The following ERICH5 variants were observed in gnomAD, a reference collection of about 807,000 sequenced individuals.
ERICH5 encodes glutamate-rich protein 5.
Under a neutral mutation model 28.0 loss-of-function variants are expected in ERICH5, and 24 were observed. That is an observed-to-expected ratio of 0.86 (90% CI 0.62 to 1.21). The LOEUF (loss-of-function observed/expected upper bound fraction) is 1.21. ERICH5 is among the 50% of genes most tolerant of loss of function. ERICH5 has a pLI of 0.00. For synonymous variants in ERICH5, 163 were observed against 157.6 expected (o/e 1.03, Z -0.25); for missense variants, 421 against 441.2 (o/e 0.95, Z 0.41).
At chr8:98,092,026 T>TTCCTTCCTTC (rs1412455600) in intron 2 of ERICH5, among the ~76,000 whole-genome samples, 3 of 9,268 alleles carry the variant, frequency 3.2e-4, no homozygotes, top group Non-Finnish European at 5.4e-4. Flanking sequence ...TTCCTTCCTT[T>TTCCTTCCTTC]CGAGACAAGA....
chr8:98,078,573 C>T lies in ERICH5; in HGVS notation c.59-10503C>T, dbSNP rs544475416. 1.2e-4 allele frequency among the ~76,000 whole-genome samples: 18 copies of T among 152,286 alleles called. No homozygotes were observed. In the South Asian group the frequency reaches 3.7e-3, roughly 32 times the overall value. ...TAGGGTAATGAACTGAGTTGAAAAG[C>T]TTCCATCATAATGTGAATTTCAGGT... is the stretch of plus-strand genomic sequence containing the variant. On this transcript the variant is annotated intron_variant, in intron 1 of 2. Coordinates refer to ENST00000318528, the MANE Select transcript of ERICH5 (RefSeq NM_173549.3).
At chr8:98,075,286 G>A (rs994508976) in intron 1 of ERICH5, among the ~76,000 whole-genome samples, 4 of 152,126 alleles carry the variant, frequency 2.6e-5, no homozygotes, top group African/African-American at 9.7e-5. Context: ...GTTTAATTAT[G>A]TTCATGATTC....
rs1191865342 is a variant in ERICH5 at position 98,064,674 on chromosome 8, G to C, written c.5G>C (p.Gly2Ala). The part of the protein sequence containing the change: M[G>A]CSSSALNKAG... ...CAGGTGTCTGCGCTCCCCGCAATGG[G>C]CTGCTCCAGCAGCGCCCTCAACAAG... The change falls in exon 1 of 3, where the codon GGC becomes GCC. Residue 2 changes from glycine (G) to alanine (A), a missense_variant. Gly to Ala is a moderately conservative substitution (Grantham distance 60). Transcript: ENST00000318528. 1.3e-6 allele frequency: 2 copies of C among 1,535,020 alleles called. No individual in the cohort carries two copies. The highest frequency in any genetic ancestry group is 2.4e-5 in the South Asian group (2 of 83,410).
In ERICH5 at chr8:98,073,460, GTATATATATATATATATATATA is replaced by G. The variant is rs1321366335; in HGVS notation, c.58+8737_58+8758del. On this transcript the variant is annotated intron_variant, in intron 1 of 2. Transcript: ENST00000318528. ...TATATATATATATATATATATATATGTATATATATATATATATATATATATGTATATATATATATATATATAT... is the reference window on the plus strand; with the variant it reads ...TATATATATATATATATATATATATGTATGTATATATATATATATATATAT... Among the ~76,000 whole-genome samples, 15 of 14,370 alleles carry G rather than the reference GTATATATATATATATATATATA, an allele frequency of 1.0e-3. 3 individuals are homozygous for G. The highest frequency in any genetic ancestry group is 7.1e-3 in the African/African-American group (15 of 2,102). 9.4% of individuals were successfully genotyped at this position (14,370 alleles called of 152,430 possible). A position where few individuals can be genotyped will look rare whatever the true frequency, so the allele number is the denominator to read the frequency against.
chr8:98,089,183 A>G lies in ERICH5; in HGVS notation c.166A>G (p.Arg56Gly). 1 of 1,614,220 alleles carries G rather than the reference A, an allele frequency of 6.2e-7. No homozygotes were observed. ...ATCTACTGTTGATGGCAATGTACAA[A>G]GGGAAAGCCGTCCTCCCTTACAAAA... ...RESTVDGNVQ[R>G]ESRPPLQKLK... The change falls in exon 2 of 3, where the codon AGG becomes GGG. Residue 56 changes from arginine to glycine, a missense_variant. Arg to Gly is a moderately radical substitution (Grantham distance 125). Transcript: ENST00000318528.
intron 1 of ERICH5, among the ~76,000 whole-genome samples, chr8:98,069,693 T>C (rs894323477): frequency 1.3e-5 from 2 of 152,228 alleles, no homozygotes; most frequent in African/African-American, 2.4e-5. Flanking sequence ...TCATTTTGAA[T>C]GTGTGCAAGT....
intron 2 of ERICH5, 66 bp downstream of exon 2, chr8:98,090,095 G>A: frequency 1.7e-6 from 2 of 1,209,906 alleles, no homozygotes; most frequent in South Asian, 1.5e-5. Flanking sequence ...TCTGGGGAGT[G>A]GGATGGGGTG....
chr8:98,080,917 C>G (rs1815172282), intron 1 of ERICH5, among the ~76,000 whole-genome samples: 1 of 152,054 alleles, frequency 6.6e-6, no homozygotes, highest in African/African-American at 2.4e-5. Flanking sequence ...GTTGGCCAGG[C>G]TGGTCGAACT....
chr8:98,083,325 G>A (rs888815475), intron 1 of ERICH5, among the ~76,000 whole-genome samples: 2 of 152,136 alleles, frequency 1.3e-5, no homozygotes, highest in Admixed American at 6.6e-5. Flanking sequence ...CATCATTTGT[G>A]TGATATCTAA....
intron 2 of ERICH5, 66 bp from the exon 3 acceptor site, chr8:98,093,155 C>T (rs571966014): frequency 8.7e-7 from 1 of 1,144,568 alleles, no homozygotes; most frequent in East Asian, 2.4e-5. Context: ...TGGAGACAAA[C>T]TGTGGGATAA....
At chr8:98,064,784 C>A (rs1207493713) in intron 1 of ERICH5, 57 bp downstream of exon 1, 17 of 1,436,074 alleles carry the variant, frequency 1.2e-5, no homozygotes, top group Non-Finnish European at 1.5e-5. Context: ...TGGGCTAACT[C>A]CCCAGGAGGT....
intron 1 of ERICH5, among the ~76,000 whole-genome samples, chr8:98,083,509 G>T (rs1815217355): frequency 6.6e-6 from 1 of 151,910 alleles, no homozygotes; most frequent in African/African-American, 2.4e-5. Context: ...GGTTTTTCTT[G>T]AGTTCTGCTT....
chr8:98,073,482 A>G lies in ERICH5; in HGVS notation c.58+8755A>G, dbSNP rs1291285932. Among the ~76,000 whole-genome samples, 3 of 2,582 alleles carry G rather than the reference A, an allele frequency of 1.2e-3. 1 individual carries two copies. The highest frequency in any genetic ancestry group is 5.2e-3 in the African/African-American group (3 of 578). The allele number at this position is 2,582 out of a possible 152,430, so 1.7% of individuals were successfully genotyped here. Reference sequence around the variant, plus strand: ...TATGTATATATATATATATATATATATATGTATATATATATATATATATAT... The same window carrying G: ...TATGTATATATATATATATATATATGTATGTATATATATATATATATATAT... On this transcript the variant is annotated intron_variant, in intron 1 of 2. Coordinates refer to ENST00000318528, the MANE Select transcript of ERICH5 (RefSeq NM_173549.3).
At chr8:98,092,704 C>T (rs547140923) in intron 2 of ERICH5, among the ~76,000 whole-genome samples, 2 of 151,906 alleles carry the variant, frequency 1.3e-5, no homozygotes, top group East Asian at 1.9e-4. Flanking sequence ...TGCCAAGACT[C>T]GAGATGTTAA....
chr8:98,069,676 GC>G (rs1252379496), intron 1 of ERICH5, among the ~76,000 whole-genome samples: 7 of 152,106 alleles, frequency 4.6e-5, no homozygotes, highest in African/African-American at 1.7e-4. Flanking sequence ...ATTCCTTTGT[GC>G]CTACATCATT....
At chr8:98,085,366 T>G (rs1479079314) in intron 1 of ERICH5, among the ~76,000 whole-genome samples, 1 of 151,728 alleles carries the variant, frequency 6.6e-6, no homozygotes, top group Non-Finnish European at 1.5e-5. Flanking sequence ...GGTTTCACCG[T>G]GTTAGCCAGG....
chr8:98,086,843 C>T (rs934727207), intron 1 of ERICH5, among the ~76,000 whole-genome samples: 3 of 148,878 alleles, frequency 2.0e-5, no homozygotes, highest in Non-Finnish European at 3.0e-5. Flanking sequence ...CCCAGCTACT[C>T]GGGAGGCTGA....
intron 1 of ERICH5, among the ~76,000 whole-genome samples, chr8:98,069,493 GT>G (rs914286607): frequency 6.6e-6 from 1 of 151,052 alleles, no homozygotes; most frequent in African/African-American, 2.4e-5. Flanking sequence ...TCCTCACTTT[GT>G]TTTTTTCACC....
chr8:98,064,701 C>A lies in ERICH5; in HGVS notation c.32C>A (p.Ala11Asp). Reference protein sequence around the residue: MGCSSSALNKAGDSSRFPSVT... With the variant: MGCSSSALNKDGDSSRFPSVT... The stretch of plus-strand genomic sequence containing the variant: ...TGCTCCAGCAGCGCCCTCAACAAGG[C>A]CGGCGACAGCAGCAGGTTCCCCAGC... Residue 11 changes from alanine (A) to aspartate (D), a missense_variant, in exon 1 of 3, where the codon GCC becomes GAC. Coordinates refer to ENST00000318528, the MANE Select transcript of ERICH5 (RefSeq NM_173549.3). 1 of 1,535,534 alleles carries A rather than the reference C, an allele frequency of 6.5e-7. No homozygotes were observed. The highest frequency in any genetic ancestry group is 8.7e-7 in the Non-Finnish European group (1 of 1,143,692).
Sources: gnomAD v4.1 joint callset for allele counts (sites outside exome capture counted in the v4.1 genomes callset) on GRCh38, gnomAD v4.1.1 for gene constraint, MANE v1.5 for transcripts, NCBI Gene and HGNC (gene_info 2026-07-23, HGNC 2026-07-21) for gene names.